The following SPATA6 variants were observed in gnomAD, a reference collection of about 807,000 sequenced individuals.
SPATA6 encodes the protein spermatogenesis associated 6.
SPATA6 carries 56 observed loss-of-function variants against 65.3 expected under a neutral mutation model. The observed-to-expected ratio is 0.86, with a 90% CI of 0.69 to 1.07. The LOEUF (loss-of-function observed/expected upper bound fraction) is 1.07. SPATA6 is among the 50% of genes least tolerant of loss of function. The pLI is 0.00. For missense variants in SPATA6, 590 were observed against 594.8 expected (o/e 0.99, Z 0.08); for synonymous variants, 199 against 213.2 (o/e 0.93, Z 0.58).
intron 5 of SPATA6, among the ~76,000 whole-genome samples, chr1:48,410,078 C>G (rs1435986471): frequency 1.3e-5 from 2 of 152,176 alleles, no homozygotes; most frequent in Non-Finnish European, 2.9e-5. Context: ...TGCAAATTTT[C>G]CAAACTTTTA....
At chr1:48,400,688 G>T in intron 6 of SPATA6, 1 of 947,406 alleles carries the variant, frequency 1.1e-6, no homozygotes, top group Non-Finnish European at 1.4e-6. Context: ...AATTTTTTAA[G>T]TGGATACACA....
At chr1:48,355,371 T>G (rs1646629125) in intron 11 of SPATA6, 3 of 205,928 alleles carry the variant, frequency 1.5e-5, no homozygotes, top group Admixed American at 5.7e-5. Flanking sequence ...AGAGTTCTCA[T>G]ATTTTGAAGG....
chr1:48,341,488 T>C (rs1323707046), intron 11 of SPATA6, among the ~76,000 whole-genome samples: 1 of 152,150 alleles, frequency 6.6e-6, no homozygotes, highest in Non-Finnish European at 1.5e-5. Context: ...ATCTCAGCTA[T>C]CAGATTGACT....
At chr1:48,468,682 A>T (rs1657990688) in intron 1 of SPATA6, among the ~76,000 whole-genome samples, 1 of 152,136 alleles carries the variant, frequency 6.6e-6, no homozygotes, top group African/African-American at 2.4e-5. Flanking sequence ...ACCAAAACCA[A>T]CTGAGGAAAA....
At chr1:48,427,637 T>C (rs140668777) in intron 3 of SPATA6, among the ~76,000 whole-genome samples, 26 of 152,280 alleles carry the variant, frequency 1.7e-4, no homozygotes, top group African/African-American at 6.0e-4. Context: ...GTTAAGACAC[T>C]GATATTTACA....
chr1:48,454,394 C>G (rs1656846565), intron 1 of SPATA6, among the ~76,000 whole-genome samples: 1 of 152,054 alleles, frequency 6.6e-6, no homozygotes, highest in Non-Finnish European at 1.5e-5. Flanking sequence ...CTACTCCATT[C>G]CATCTCCTCC....
chr1:48,288,714 G>A, the SPATA6 span, among the ~76,000 whole-genome samples: 3,008 of 152,268 alleles, frequency 0.02, 123 homozygotes, highest in East Asian at 0.2. Flanking sequence ...TGCCTGGCTC[G>A]GAGGGTCCCA....
chr1:48,357,842 G>GA (rs1038595581), intron 10 of SPATA6, among the ~76,000 whole-genome samples: 6 of 152,090 alleles, frequency 3.9e-5, no homozygotes, highest in Admixed American at 2.0e-4. Context: ...CTGCTTTAGC[G>GA]AAAGTAAAAA....
At chr1:48,462,777 T>G (rs1657545374) in intron 1 of SPATA6, among the ~76,000 whole-genome samples, 1 of 152,198 alleles carries the variant, frequency 6.6e-6, no homozygotes, top group East Asian at 1.9e-4. Flanking sequence ...ATGGTTAATT[T>G]TATGTATCTA....
chr1:48,389,006 C>T (rs1441517379), intron 8 of SPATA6, among the ~76,000 whole-genome samples: 3 of 152,150 alleles, frequency 2.0e-5, no homozygotes, highest in Non-Finnish European at 4.4e-5. Context: ...CTTCCTCAGC[C>T]TCCCAAGTAG....
At chr1:48,310,212 G>T (rs1430949742) in intron 11 of SPATA6, among the ~76,000 whole-genome samples, 31 of 152,156 alleles carry the variant, frequency 2.0e-4, no homozygotes, top group Non-Finnish European at 4.4e-5. Flanking sequence ...GCCCTCCAGG[G>T]CAAAGATTTT....
intron 11 of SPATA6, among the ~76,000 whole-genome samples, chr1:48,334,955 T>C (rs916138253): frequency 1.3e-5 from 2 of 152,136 alleles, no homozygotes; most frequent in Admixed American, 1.3e-4. Context: ...ACAAAATCAA[T>C]GTACAAAAAT....
At chr1:48,390,237 C>T (rs1400016246) in intron 8 of SPATA6, among the ~76,000 whole-genome samples, 2 of 152,034 alleles carry the variant, frequency 1.3e-5, no homozygotes, top group Non-Finnish European at 2.9e-5. Flanking sequence ...GTAATTAGGG[C>T]ATAAAATTAA....
At chr1:48,438,535 G>C (rs1323895073) in intron 3 of SPATA6, among the ~76,000 whole-genome samples, 1 of 152,076 alleles carries the variant, frequency 6.6e-6, no homozygotes, top group South Asian at 2.1e-4. Flanking sequence ...CTGAGCCGAC[G>C]GTCAACAGAG....
At chr1:48,321,056 C>T (rs904926983) in intron 11 of SPATA6, among the ~76,000 whole-genome samples, 8 of 151,850 alleles carry the variant, frequency 5.3e-5, no homozygotes, top group African/African-American at 1.7e-4. Flanking sequence ...TGAAACACAC[C>T]GTCAGAGAAA....
chr1:48,432,216 CT>C (rs1412648889), intron 3 of SPATA6, among the ~76,000 whole-genome samples: 3 of 152,050 alleles, frequency 2.0e-5, no homozygotes, highest in Non-Finnish European at 4.4e-5. Flanking sequence ...AGAACAAAGG[CT>C]TCAGGACACT....
chr1:48,441,950 A>G (rs1284016810), intron 3 of SPATA6, among the ~76,000 whole-genome samples: 1 of 152,176 alleles, frequency 6.6e-6, no homozygotes, highest in East Asian at 1.9e-4. Context: ...TGGTGTTTCA[A>G]ATATGCAGGT....
At chr1:48,286,185 ATTTTT>A in the SPATA6 span, among the ~76,000 whole-genome samples, 2 of 150,790 alleles carry the variant, frequency 1.3e-5, no homozygotes, top group African/African-American at 4.9e-5. Context: ...AATTTTAGGA[ATTTTT>A]TTTCTTTTTC....
intron 11 of SPATA6, among the ~76,000 whole-genome samples, chr1:48,352,228 C>T (rs777499897): frequency 2.0e-5 from 3 of 152,022 alleles, no homozygotes; most frequent in Non-Finnish European, 4.4e-5. Flanking sequence ...TATTCACTAT[C>T]AAGAGAACAG....
Sources: gnomAD v4.1 joint callset for allele counts (sites outside exome capture counted in the v4.1 genomes callset) on GRCh38, gnomAD v4.1.1 for gene constraint, MANE v1.5 for transcripts, NCBI Gene and HGNC (gene_info 2026-07-23, HGNC 2026-07-21) for gene names.